XK: variants seen among roughly 807,000 people sequenced by gnomAD.
The protein encoded by XK is X-linked Kx blood group antigen, Kell and VPS13A binding protein, also known as endoplasmic reticulum membrane adapter protein XK.
Under a neutral mutation model 14.0 loss-of-function variants are expected in XK, and 2 were observed. That is an observed-to-expected ratio of 0.14 (90% CI 0.06 to 0.45). XK has a LOEUF of 0.45. Among genes scored for constraint, XK ranks in the 20% least tolerant of loss-of-function variants. The probability of loss-of-function intolerance (pLI) is 0.98; values close to 1 mark genes in which losing one functional copy is unlikely to be tolerated. For synonymous variants in XK, 149 were observed against 147.5 expected (o/e 1.01, Z -0.08); for missense variants, 235 against 341.5 (o/e 0.69, Z 2.46).
At position 37,708,155 on chromosome X, in the gene XK, A is replaced by C. The variant is rs781826849; in HGVS notation, c.508+13607A>C. ...GGTTGCAGTGAGCCGAGATGGCAGC[A>C]GTACAGTCCAGCTTCGGCTCGGCAT... is the stretch of plus-strand genomic sequence containing the variant. On this transcript the variant is annotated intron_variant, in intron 2 of 2. Transcript: ENST00000378616. Among the ~76,000 whole-genome samples the C allele has an allele frequency of 2.0e-4, 23 of 112,363 alleles. No individual in the cohort carries two copies. The East Asian group carries it at 6.4e-3, about 31-fold the overall frequency.
intron 1 of XK, 57 bp downstream of exon 1, chrX:37,686,263 T>G: frequency 1.7e-6 from 2 of 1,183,723 alleles, no homozygotes; most frequent in Non-Finnish European, 2.3e-6. Flanking sequence ...TGTAGCCTGA[T>G]CTCCCCACCT....
intron 2 of XK, among the ~76,000 whole-genome samples, chrX:37,702,238 G>A (rs1927431375): frequency 9.0e-6 from 1 of 111,180 alleles, no homozygotes; most frequent in Non-Finnish European, 1.9e-5. Context: ...AGTGCTCCAC[G>A]GCGCTCCCTA....
At chrX:37,690,507 A>G (rs1456557574) in intron 1 of XK, among the ~76,000 whole-genome samples, 2 of 112,487 alleles carry the variant, frequency 1.8e-5, no homozygotes, top group African/African-American at 6.5e-5. Context: ...TGATACTTGA[A>G]AAGTGGGATA....
Position 37,728,761 on chromosome X carries a change from G to C in XK, c.*299G>C, listed in dbSNP as rs1928030355. The stretch of plus-strand genomic sequence containing the variant: ...TTACCCCTGAAATCTGAGTTGTACT[G>C]GTTAGATTCATTAGGTTGAATGAGG... On this transcript the variant is annotated 3_prime_UTR_variant, in exon 3 of 3. Transcript: ENST00000378616. 1 of 297,362 alleles carries C rather than the reference G, an allele frequency of 3.4e-6. No homozygotes were observed. Among genetic ancestry groups the C allele is most frequent in the Non-Finnish European group, 6.0e-6 (1 of 167,349 alleles). The allele number at this position is 297,362 out of a possible 1,213,427, so 24.5% of individuals were successfully genotyped here. A position where few individuals can be genotyped will look rare whatever the true frequency, so the allele number is the denominator to read the frequency against.
intron 2 of XK, among the ~76,000 whole-genome samples, chrX:37,708,356 G>A (rs782614015): frequency 1.9e-4 from 21 of 111,977 alleles, no homozygotes; most frequent in African/African-American, 6.5e-4. Context: ...GGAAGAGGCA[G>A]GAGCCAAGGA....
chrX:37,696,847 A>G (rs782514363), intron 2 of XK, among the ~76,000 whole-genome samples: 1 of 112,352 alleles, frequency 8.9e-6, no homozygotes, highest in Admixed American at 9.4e-5. Flanking sequence ...CAACCATCAT[A>G]GCTACATTCA....
intron 2 of XK, among the ~76,000 whole-genome samples, chrX:37,721,922 G>A (rs1223722224): frequency 9.0e-6 from 1 of 110,907 alleles, no homozygotes; most frequent in African/African-American, 3.3e-5. Flanking sequence ...GAAACCTTAT[G>A]GTGAGTGAAA....
chrX:37,724,302 T>C (rs1376399016), intron 2 of XK, among the ~76,000 whole-genome samples: 1 of 111,586 alleles, frequency 9.0e-6, no homozygotes, highest in African/African-American at 3.2e-5. Flanking sequence ...TGGATAAAGC[T>C]ACAACAATCA....
intron 2 of XK, among the ~76,000 whole-genome samples, chrX:37,710,473 A>G (rs1927641201): frequency 9.0e-6 from 1 of 111,592 alleles, no homozygotes; most frequent in Non-Finnish European, 1.9e-5. Context: ...ACAGATGTGA[A>G]CCTGTTGTTG....
intron 2 of XK, among the ~76,000 whole-genome samples, chrX:37,699,031 T>C (rs1556443115): frequency 1.8e-5 from 2 of 112,679 alleles, no homozygotes; most frequent in African/African-American, 6.5e-5. Flanking sequence ...ACAAGTGTCA[T>C]GATCAAATTT....
At chrX:37,705,901 C>T (rs1927517450) in intron 2 of XK, among the ~76,000 whole-genome samples, 1 of 103,010 alleles carries the variant, frequency 9.7e-6, no homozygotes, top group African/African-American at 3.7e-5. Context: ...TACAGGTGCA[C>T]ACTACCATGC....
At position 37,703,142 on chromosome X, in the gene XK, G is replaced by T. The variant is rs782235803; in HGVS notation, c.508+8594G>T. Among the ~76,000 whole-genome samples the T allele has an allele frequency of 6.2e-5, 7 of 112,113 alleles. No individual in the cohort carries two copies. In the East Asian group the frequency reaches 2.0e-3, roughly 31 times the overall value. ...CTCAAACTTTTTAGATTTAGATTTA[G>T]ATTTTAAATCTAATGAAAAGCAGTA... is the stretch of plus-strand genomic sequence containing the variant. On this transcript the variant is annotated intron_variant, in intron 2 of 2. Transcript: ENST00000378616.
chrX:37,723,308 A>G (rs981444395), intron 2 of XK, among the ~76,000 whole-genome samples: 3 of 111,371 alleles, frequency 2.7e-5, no homozygotes, highest in Non-Finnish European at 5.7e-5. Context: ...TTGCATGAGC[A>G]TCATTCTCAT....
intron 2 of XK, among the ~76,000 whole-genome samples, chrX:37,723,947 G>A (rs1556449483): frequency 1.8e-5 from 2 of 111,071 alleles, no homozygotes; most frequent in Non-Finnish European, 3.8e-5. Context: ...AGCCTCTCAG[G>A]AAAAATAACT....
chrX:37,723,715 C>A (rs782650440), intron 2 of XK, among the ~76,000 whole-genome samples: 1 of 110,958 alleles, frequency 9.0e-6, no homozygotes, highest in Non-Finnish European at 1.9e-5. Flanking sequence ...AATATAAATA[C>A]TGTACATGTG....
chrX:37,707,489 C>T (rs782345844), intron 2 of XK, among the ~76,000 whole-genome samples: 1,336 of 101,833 alleles, frequency 0.013, 23 homozygotes, highest in African/African-American at 0.046. Flanking sequence ...ACTTCTCAGA[C>T]GGGGCGGCTG....
intron 1 of XK, among the ~76,000 whole-genome samples, chrX:37,687,194 T>TACACAC (rs36002435): frequency 0.011 from 949 of 87,044 alleles, 5 homozygotes; most frequent in Non-Finnish European, 0.017. Context: ...CTCTCTCTCT[T>TACACAC]ACACACACAC....
intron 1 of XK, among the ~76,000 whole-genome samples, chrX:37,687,225 A>G (rs1053991997): frequency 9.7e-6 from 1 of 103,026 alleles, no homozygotes; most frequent in Non-Finnish European, 2.0e-5. Flanking sequence ...ACACACACAC[A>G]CGCACACACA....
At chrX:37,723,790 C>T (rs1927923694) in intron 2 of XK, among the ~76,000 whole-genome samples, 2 of 111,059 alleles carry the variant, frequency 1.8e-5, no homozygotes, top group South Asian at 7.5e-4. Context: ...AAATATTTTT[C>T]TTATACTGGA....
Sources: allele counts gnomAD v4.1 joint callset (sites outside exome capture counted in the v4.1 genomes callset), GRCh38; gene constraint gnomAD v4.1.1; transcripts MANE v1.5; gene names NCBI Gene and HGNC (gene_info 2026-07-23, HGNC 2026-07-21).